Variants in LEO1 observed in about 807,000 individuals in gnomAD.
The protein encoded by LEO1 is RNA polymerase-associated protein LEO1.
LEO1 carries 34 observed loss-of-function variants against 80.4 expected under a neutral mutation model. The ratio of observed to expected loss-of-function variants is 0.42; its 90% CI spans 0.32 to 0.56. The LOEUF (loss-of-function observed/expected upper bound fraction) is 0.56. LEO1 is among the 20% of genes least tolerant of loss of function. The probability of loss-of-function intolerance (pLI) is 0.10; values close to 1 mark genes in which losing one functional copy is unlikely to be tolerated. For missense variants in LEO1, 631 were observed against 814.2 expected, an observed-to-expected ratio of 0.77 and a Z score of 2.74; for synonymous variants, 262 against 274.9, an observed-to-expected ratio of 0.95 and a Z score of 0.46.
At chr15:51,964,895 G>A (rs2057062712) in intron 2 of LEO1, among the ~76,000 whole-genome samples, 1 of 152,120 alleles carries the variant, frequency 6.6e-6, no homozygotes, top group African/African-American at 2.4e-5. Flanking sequence ...GTTAACTTGA[G>A]CAGAATAGTC....
chr15:51,945,360 C>CTGAA (rs370418410), intron 11 of LEO1, among the ~76,000 whole-genome samples: 1 of 151,754 alleles, frequency 6.6e-6, no homozygotes, highest in African/African-American at 2.4e-5. Flanking sequence ...AAGGCTCCAG[C>CTGAA]TTCAGCCTCT....
intron 11 of LEO1, among the ~76,000 whole-genome samples, chr15:51,938,653 G>T (rs1030993542): frequency 6.6e-6 from 1 of 151,916 alleles, no homozygotes. Flanking sequence ...TGTTGATTTG[G>T]TTTTTTTGGA....
chr15:51,945,606 CCTT>C (rs1314975154), intron 11 of LEO1, among the ~76,000 whole-genome samples: 1 of 152,162 alleles, frequency 6.6e-6, no homozygotes, highest in Non-Finnish European at 1.5e-5. Context: ...TAATTTGTCT[CCTT>C]ATCACTTTTC....
At chr15:51,969,835 C>T (rs558070810) in intron 1 of LEO1, among the ~76,000 whole-genome samples, 2 of 87,752 alleles carry the variant, frequency 2.3e-5, no homozygotes, top group Non-Finnish European at 4.6e-5. Context: ...ACTGAGACTC[C>T]GTTAAAAAAA....
At chr15:51,965,671 G>A in intron 2 of LEO1, 78 bp downstream of exon 2, 1 of 1,505,386 alleles carries the variant, frequency 6.6e-7, no homozygotes, top group Non-Finnish European at 8.8e-7. Flanking sequence ...TAATAAAGAT[G>A]GGAATAAAGA....
At chr15:51,970,906 CAGA>C (rs2057117560) in intron 1 of LEO1, among the ~76,000 whole-genome samples, 1 of 152,088 alleles carries the variant, frequency 6.6e-6, no homozygotes, top group Non-Finnish European at 1.5e-5. Flanking sequence ...GGCTTGAGCC[CAGA>C]AGTTCAAGGC....
chr15:51,971,713 G>T lies in LEO1; in HGVS notation c.33C>A (p.Asp11Glu), dbSNP rs748525191. ...CTTTACGCTCAGCTTCGCTGTCGGC[G>T]TCGCTCCCGAAGAGATCCTCCATAT... is the stretch of plus-strand genomic sequence containing the variant. MADMEDLFGS[D>E]ADSEAERKDS... The change falls in exon 1 of 12, where the codon GAC (aspartate) becomes GAA (glutamate). Residue 11 changes from aspartate to glutamate, a missense_variant. Coordinates refer to ENST00000299601, the MANE Select transcript of LEO1 (RefSeq NM_138792.4). The T allele has an allele frequency of 1.4e-5, 22 of 1,614,034 alleles. No homozygotes were observed. The African/African-American group carries it at 2.9e-4, about 22-fold the overall frequency.
intron 5 of LEO1, among the ~76,000 whole-genome samples, chr15:51,959,573 G>C (rs1242012743): frequency 1.3e-5 from 2 of 152,174 alleles, no homozygotes; most frequent in African/African-American, 4.8e-5. Context: ...AGCTGCTACA[G>C]TGGACACTGG....
chr15:51,958,941 T>A (rs1343673351), intron 5 of LEO1, 115 bp from the exon 6 acceptor site: 5 of 531,768 alleles, frequency 9.4e-6, no homozygotes, highest in Admixed American at 7.6e-5. Flanking sequence ...AATATAATTT[T>A]AAAAATCATA....
rs780629068 is a variant in LEO1 at position 51,965,935 on chromosome 15, C to A, written c.628G>T (p.Ala210Ser). The stretch of plus-strand genomic sequence containing the variant: ...ACCGGCCGTTCATCATCAGAATTAG[C>A]CTTTTCCTCCTCAGATAGCTGTTGT... Reference protein sequence around the residue: ...ERQQLSEEEKANSDDERPVAS... With the variant: ...ERQQLSEEEKSNSDDERPVAS... Residue 210 changes from alanine (A) to serine (S), a missense_variant, in exon 2 of 12, where the codon GCT becomes TCT. Physicochemically the swap from Ala to Ser is moderately conservative, Grantham distance 99. Around this residue, in one of 4 missense-constraint regions of LEO1, gnomAD observed 394 missense variants for 395.6 expected, o/e 1.00. Coordinates refer to ENST00000299601, the MANE Select transcript of LEO1 (RefSeq NM_138792.4). 4 of 1,614,098 alleles carry A rather than the reference C, an allele frequency of 2.5e-6. No homozygotes were observed. The East Asian group carries it at 6.7e-5, about 27-fold the overall frequency.
chr15:51,964,558 A>AC (rs1361984413), intron 2 of LEO1, among the ~76,000 whole-genome samples: 3 of 151,910 alleles, frequency 2.0e-5, no homozygotes, highest in East Asian at 1.9e-4. Flanking sequence ...AAAAAAAAAA[A>AC]AAAAACCTCT....
Position 51,966,485 on chromosome 15 carries a change from G to T in LEO1, c.78C>A (p.Asp26Glu). The T allele has an allele frequency of 3.1e-6, 5 of 1,598,028 alleles. No homozygotes were observed. Among genetic ancestry groups the T allele is most frequent in the Non-Finnish European group, 4.3e-6 (5 of 1,167,380 alleles). ...CAGCATTCTCTTGATCAGAATCTGA[G>T]TCAGATCCAGAATCAGAATCTATGG... ...AERKDSDSGS[D>E]SDSDQENAAS... Residue 26 changes from aspartate (D) to glutamate (E), a missense_variant, in exon 2 of 12, where the codon GAC (aspartate) becomes GAA (glutamate). Transcript: ENST00000299601.
At position 51,954,541 on chromosome 15, in the gene LEO1, T is replaced by C. The variant is rs1460928495; in HGVS notation, c.1280A>G (p.Asp427Gly). 1 of 1,613,246 alleles carries C rather than the reference T, an allele frequency of 6.2e-7. No individual in the cohort carries two copies. ...ENTIRWRIRR[D>G]EEGNEIKESN... ...TTCTTTAATTTCATTTCCTTCTTCA[T>C]CTCGGCGTATCCTCCATCTTATAGT... Residue 427 changes from aspartate to glycine, a missense_variant, in exon 7 of 12, where the codon GAT becomes GGT. Asp to Gly is a moderately conservative substitution (Grantham distance 94). Transcript: ENST00000299601.
chr15:51,956,368 T>C (rs2141764134), intron 6 of LEO1, among the ~76,000 whole-genome samples: 1 of 138,704 alleles, frequency 7.2e-6, no homozygotes, highest in South Asian at 2.2e-4. Context: ...TGCAGTGAGC[T>C]GAGATTGCGC....
At chr15:51,942,286 G>C (rs1165495286) in intron 11 of LEO1, among the ~76,000 whole-genome samples, 1 of 152,174 alleles carries the variant, frequency 6.6e-6, no homozygotes, top group Non-Finnish European at 1.5e-5. Context: ...ACCTGAAAGA[G>C]AGTATTTGGG....
Position 51,966,264 on chromosome 15 carries a change from T to A in LEO1, c.299A>T (p.Asp100Val), listed in dbSNP as rs1349941588. 1 of 1,613,974 alleles carries A rather than the reference T, an allele frequency of 6.2e-7. No homozygotes were observed. The highest frequency in any genetic ancestry group is 8.5e-7 in the Non-Finnish European group (1 of 1,179,968). ...ASERSDHEDN[D>V]PSDVDQHSGS... ...ACTGTGCTGATCTACATCTGAGGGGTCATTGTCCTCATGGTCAGAACGCTC... is the reference window on the plus strand; with the variant it reads ...ACTGTGCTGATCTACATCTGAGGGGACATTGTCCTCATGGTCAGAACGCTC... The change falls in exon 2 of 12, where the codon GAC (aspartate) becomes GTC (valine). Residue 100 changes from aspartate to valine, a missense_variant. Around this residue, in one of 4 missense-constraint regions of LEO1, gnomAD observed 394 missense variants for 395.6 expected, o/e 1.00. Coordinates refer to ENST00000299601, the MANE Select transcript of LEO1 (RefSeq NM_138792.4).
In LEO1 at chr15:51,962,495, T is replaced by C. The variant is rs1173971256; in HGVS notation, c.815-2A>G. On this transcript the variant is annotated splice_acceptor_variant, in intron 2 of 11. Transcript: ENST00000299601. LOFTEE classifies it high-confidence loss of function. Reference sequence around the variant, plus strand: ...CACTATCACTGCCTCTTGCAGATTCTATAAGGGTAGAATTAGAAGTTCTGC... The same window carrying C: ...CACTATCACTGCCTCTTGCAGATTCCATAAGGGTAGAATTAGAAGTTCTGC... 1 of 1,600,158 alleles carries C rather than the reference T, an allele frequency of 6.2e-7. No homozygotes were observed.
At chr15:51,938,397 G>A (rs1441594887) in intron 11 of LEO1, 137 bp from the exon 12 acceptor site, 1 of 605,366 alleles carries the variant, frequency 1.7e-6, no homozygotes, top group Middle Eastern at 2.9e-4. Flanking sequence ...GGGAGATTGT[G>A]AGGTGTCAGC....
chr15:51,941,921 A>G (rs550716436), intron 11 of LEO1, among the ~76,000 whole-genome samples: 2 of 152,386 alleles, frequency 1.3e-5, no homozygotes, highest in East Asian at 3.9e-4. Context: ...CCAAGGCCAT[A>G]CAAGTGGGAA....
Sources: gnomAD v4.1 joint callset for allele counts (sites outside exome capture counted in the v4.1 genomes callset) on GRCh38, gnomAD v4.1.1 for gene constraint, gnomAD v4.1.1 regional missense constraint, MANE v1.5 for transcripts, NCBI Gene and HGNC (gene_info 2026-07-23, HGNC 2026-07-21) for gene names.